The following UNC5D variants were observed in gnomAD, a reference collection of about 807,000 sequenced individuals.
The protein encoded by UNC5D is netrin receptor UNC5D.
In UNC5D, 39 loss-of-function variants were observed where a neutral mutation model predicts 105.4. That is an observed-to-expected ratio of 0.37 (90% CI 0.29 to 0.48). UNC5D has a LOEUF of 0.48. Among genes scored for constraint, UNC5D ranks in the 20% least tolerant of loss-of-function variants. The pLI is 0.98. For missense variants in UNC5D, 991 were observed against 1,202.4 expected (o/e 0.82, Z 2.60); for synonymous variants, 452 against 450.4 (o/e 1.00, Z -0.04).
intron 2 of UNC5D, 72 bp from the exon 3 acceptor site, chr8:35,568,026 G>T: frequency 6.4e-7 from 1 of 1,566,446 alleles, no homozygotes; most frequent in South Asian, 1.2e-5. Context: ...AAAAGGTTTG[G>T]CTAACCTTAA....
At chr8:35,403,515 G>A (rs915870185) in intron 1 of UNC5D, among the ~76,000 whole-genome samples, 2 of 152,168 alleles carry the variant, frequency 1.3e-5, no homozygotes, top group South Asian at 2.1e-4. Context: ...TACCTAAAAT[G>A]TTTGTGACCA....
intron 1 of UNC5D, among the ~76,000 whole-genome samples, chr8:35,537,716 AAAT>A (rs1247840849): frequency 1.3e-5 from 2 of 150,018 alleles, no homozygotes; most frequent in Non-Finnish European, 1.5e-5. Context: ...ATAAAATAAT[AAAT>A]AAGTAAATAT....
intron 1 of UNC5D, among the ~76,000 whole-genome samples, chr8:35,479,992 A>G (rs913400878): frequency 1.3e-5 from 2 of 152,196 alleles, no homozygotes; most frequent in Admixed American, 6.5e-5. Flanking sequence ...GGAATGCACC[A>G]CTAATGGACT....
chr8:35,721,384 GGGTGGGGAGGCACC>G, intron 8 of UNC5D: 1 of 702,464 alleles, frequency 1.4e-6, no homozygotes, highest in South Asian at 1.5e-5. Flanking sequence ...ACATCTTGCG[GGGTGGGGAGGCACC>G]CACATTCTAA....
intron 1 of UNC5D, among the ~76,000 whole-genome samples, chr8:35,426,846 G>A (rs1043317736): frequency 6.6e-6 from 1 of 152,058 alleles, no homozygotes. Flanking sequence ...TTTAATCTAC[G>A]TCATTGCTTG....
intron 2 of UNC5D, among the ~76,000 whole-genome samples, chr8:35,552,169 A>G (rs1816206113): frequency 6.6e-6 from 1 of 152,212 alleles, no homozygotes; most frequent in Admixed American, 6.5e-5. Flanking sequence ...GCATGCGTAG[A>G]ATCCTAGAAT....
intron 4 of UNC5D, among the ~76,000 whole-genome samples, chr8:35,622,764 ATGT>A (rs1009940638): frequency 6.6e-6 from 1 of 152,132 alleles, no homozygotes; most frequent in Non-Finnish European, 1.5e-5. Flanking sequence ...ACCTTGTAAT[ATGT>A]TGTTGAAGTG....
chr8:35,496,555 A>C (rs371734993), intron 1 of UNC5D, among the ~76,000 whole-genome samples: 2 of 152,164 alleles, frequency 1.3e-5, no homozygotes, highest in African/African-American at 4.8e-5. Flanking sequence ...GGGATGGGGC[A>C]GTAATGGAGG....
intron 1 of UNC5D, among the ~76,000 whole-genome samples, chr8:35,494,803 T>C (rs947491640): frequency 6.6e-6 from 1 of 152,254 alleles, no homozygotes; most frequent in Non-Finnish European, 1.5e-5. Context: ...ATCTTTCCAA[T>C]AGTATTTTAA....
rs570912432 is a variant in UNC5D at position 35,568,032 on chromosome 8, C to G, written c.323-66C>G. On this transcript the variant is annotated intron_variant, in intron 2 of 16. Transcript: ENST00000404895. ...ATTAAAAAGAAAAGGTTTGGCTAAC[C>G]TTAACTTTCTGTTTGAGAAATATAA... The G allele has an allele frequency of 3.8e-5, 60 of 1,582,416 alleles. No individual in the cohort carries two copies. The South Asian group carries it at 5.4e-4, about 14-fold the overall frequency.
chr8:35,696,333 C>T (rs1038971228), intron 7 of UNC5D, among the ~76,000 whole-genome samples: 2 of 137,058 alleles, frequency 1.5e-5, no homozygotes, highest in Non-Finnish European at 3.1e-5. Flanking sequence ...TATCCAAGGT[C>T]CCTTCTAGTC....
chr8:35,374,655 C>T lies in UNC5D; in HGVS notation c.103+138768C>T, dbSNP rs181845591. ...GTCTCAAAAGGACACACTAAATTCCCGTTTCATTTATCTTTAATCTTCCTC... is the reference window on the plus strand; with the variant it reads ...GTCTCAAAAGGACACACTAAATTCCTGTTTCATTTATCTTTAATCTTCCTC... On this transcript the variant is annotated intron_variant, in intron 1 of 16. Transcript: ENST00000404895. Among the ~76,000 whole-genome samples, 31 of 152,282 alleles carry T rather than the reference C, an allele frequency of 2.0e-4. 1 individual carries two copies. The highest frequency in any genetic ancestry group is 6.5e-4 in the Admixed American group (10 of 15,296).
At chr8:35,322,952 T>TG (rs1418951104) in intron 1 of UNC5D, among the ~76,000 whole-genome samples, 6 of 152,184 alleles carry the variant, frequency 3.9e-5, no homozygotes, top group Non-Finnish European at 8.8e-5. Context: ...GCTATATTTC[T>TG]TGATAATATA....
chr8:35,752,087 T>C (rs1388434029), intron 13 of UNC5D, among the ~76,000 whole-genome samples: 2 of 152,184 alleles, frequency 1.3e-5, no homozygotes, highest in African/African-American at 4.8e-5. Context: ...CCTGGACATA[T>C]AGTCTATTAA....
At chr8:35,625,240 A>T (rs1319242940) in intron 4 of UNC5D, among the ~76,000 whole-genome samples, 1 of 152,202 alleles carries the variant, frequency 6.6e-6, no homozygotes, top group Non-Finnish European at 1.5e-5. Flanking sequence ...CTTGAAAAAA[A>T]ATGTTAGAAA....
intron 11 of UNC5D, among the ~76,000 whole-genome samples, chr8:35,733,024 G>A (rs538803597): frequency 6.6e-6 from 1 of 152,112 alleles, no homozygotes; most frequent in Admixed American, 6.5e-5. Context: ...AAGGTGGACA[G>A]AAACAGAAGA....
At chr8:35,603,234 T>C (rs1240406861) in intron 4 of UNC5D, among the ~76,000 whole-genome samples, 1 of 152,178 alleles carries the variant, frequency 6.6e-6, no homozygotes, top group African/African-American at 2.4e-5. Context: ...CCCAAGATTC[T>C]GGTATGTTAT....
chr8:35,529,505 T>C (rs1200020173), intron 1 of UNC5D, among the ~76,000 whole-genome samples: 42 of 142,256 alleles, frequency 3.0e-4, no homozygotes, highest in African/African-American at 1.1e-3. Context: ...TTTGTTCTTT[T>C]GGCTTAGGAT....
At chr8:35,481,824 A>G (rs1398829797) in intron 1 of UNC5D, among the ~76,000 whole-genome samples, 1 of 152,136 alleles carries the variant, frequency 6.6e-6, no homozygotes, top group Non-Finnish European at 1.5e-5. Context: ...ACTTTATAAT[A>G]TGCTGGAGTT....
Sources: gnomAD v4.1 joint callset for allele counts (sites outside exome capture counted in the v4.1 genomes callset) on GRCh38, gnomAD v4.1.1 for gene constraint, MANE v1.5 for transcripts, NCBI Gene and HGNC (gene_info 2026-07-23, HGNC 2026-07-21) for gene names.